Variants in GLG1 observed in about 807,000 individuals in gnomAD.
GLG1 encodes golgi glycoprotein 1, also known as Golgi apparatus protein 1.
In GLG1, 38 loss-of-function variants were observed where a neutral mutation model predicts 160.5. That is an observed-to-expected ratio of 0.24 (90% CI 0.18 to 0.31). The LOEUF (loss-of-function observed/expected upper bound fraction) is 0.31. Among genes scored for constraint, GLG1 ranks in the 10% least tolerant of loss-of-function variants. GLG1 has a pLI of 1.00. For synonymous variants in GLG1, 644 were observed against 543.4 expected (o/e 1.19, Z -2.57); for missense variants, 1,373 against 1,505.2 (o/e 0.91, Z 1.45).
intron 1 of GLG1, among the ~76,000 whole-genome samples, chr16:74,556,779 T>A (rs2018366003): frequency 6.7e-6 from 1 of 148,932 alleles, no homozygotes; most frequent in African/African-American, 2.4e-5. Context: ...CTAATAAAAA[T>A]ATATAAAATA....
chr16:74,589,539 T>G (rs1298423956), intron 1 of GLG1, among the ~76,000 whole-genome samples: 1 of 152,146 alleles, frequency 6.6e-6, no homozygotes, highest in Non-Finnish European at 1.5e-5. Context: ...TCTGAAGCTG[T>G]AACTCTGTAC....
At chr16:74,477,736 G>A (rs571263377) in intron 11 of GLG1, among the ~76,000 whole-genome samples, 1 of 152,178 alleles carries the variant, frequency 6.6e-6, no homozygotes, top group East Asian at 1.9e-4. Context: ...CACTTTGGGA[G>A]GTCGAGGCGG....
At chr16:74,479,238 CAA>C (rs11343790) in intron 11 of GLG1, among the ~76,000 whole-genome samples, 10,493 of 85,860 alleles carry the variant, frequency 0.12, 589 homozygotes, top group South Asian at 0.38. Flanking sequence ...GGCTTTGTCT[CAA>C]AAAAAAAAAA....
intron 1 of GLG1, among the ~76,000 whole-genome samples, chr16:74,567,848 G>A (rs376405116): frequency 3.9e-5 from 6 of 151,962 alleles, no homozygotes; most frequent in East Asian, 1.9e-4. Flanking sequence ...GATTACAGGC[G>A]TGAGCCACCG....
intron 1 of GLG1, among the ~76,000 whole-genome samples, chr16:74,552,059 G>T (rs904319752): frequency 1.3e-4 from 20 of 151,908 alleles, no homozygotes; most frequent in Non-Finnish European, 2.8e-4. Flanking sequence ...TAGTTTGGGG[G>T]ATGTGGAAAA....
At chr16:74,562,015 G>T (rs911534941) in intron 1 of GLG1, among the ~76,000 whole-genome samples, 1 of 152,208 alleles carries the variant, frequency 6.6e-6, no homozygotes, top group East Asian at 1.9e-4. Flanking sequence ...ACTTATAGAG[G>T]AATTTCATTC....
At chr16:74,518,332 G>A (rs985443402) in intron 2 of GLG1, among the ~76,000 whole-genome samples, 2 of 152,128 alleles carry the variant, frequency 1.3e-5, no homozygotes, top group African/African-American at 4.8e-5. Flanking sequence ...AAACAGCGTG[G>A]TACTGGTACC....
chr16:74,520,773 G>C (rs951881728), intron 2 of GLG1, among the ~76,000 whole-genome samples: 1 of 152,128 alleles, frequency 6.6e-6, no homozygotes, highest in African/African-American at 2.4e-5. Context: ...CTAGCTTCTA[G>C]GAATGCTAAT....
At chr16:74,587,494 A>C (rs1958080049) in intron 1 of GLG1, among the ~76,000 whole-genome samples, 2 of 152,236 alleles carry the variant, frequency 1.3e-5, no homozygotes, top group African/African-American at 4.8e-5. Context: ...TAAAGCAGGA[A>C]TATGACTAAT....
intron 2 of GLG1, among the ~76,000 whole-genome samples, chr16:74,517,280 C>T (rs2017007801): frequency 6.6e-6 from 1 of 152,208 alleles, no homozygotes; most frequent in Non-Finnish European, 1.5e-5. Context: ...CCCTGATCAA[C>T]ATCTAGCTGA....
At chr16:74,604,190 A>C (rs569023230) in intron 1 of GLG1, among the ~76,000 whole-genome samples, 4 of 152,314 alleles carry the variant, frequency 2.6e-5, no homozygotes, top group African/African-American at 9.6e-5. Context: ...CCCTGTCTCC[A>C]TAATAAAAAA....
At chr16:74,596,859 A>G (rs924327809) in intron 1 of GLG1, among the ~76,000 whole-genome samples, 3 of 152,058 alleles carry the variant, frequency 2.0e-5, no homozygotes, top group Non-Finnish European at 4.4e-5. Context: ...GCACATGCCT[A>G]TAATTCCAGC....
intron 23 of GLG1, 118 bp downstream of exon 23, chr16:74,459,564 G>T: frequency 3.0e-6 from 2 of 663,970 alleles, no homozygotes. Flanking sequence ...AAAGAGTGCT[G>T]GGCAGAAGGT....
intron 22 of GLG1, among the ~76,000 whole-genome samples, chr16:74,460,807 G>A (rs77996194): frequency 1.7e-3 from 266 of 152,350 alleles, no homozygotes; most frequent in Admixed American, 3.5e-3. Context: ...TTGTCAAAAA[G>A]AAGGCTGCTA....
intron 9 of GLG1, 79 bp downstream of exon 9, chr16:74,485,717 A>T: frequency 1.5e-6 from 2 of 1,377,582 alleles, no homozygotes. Context: ...ACAACCACCC[A>T]AAAGTCATTT....
At chr16:74,567,231 C>G (rs1028940409) in intron 1 of GLG1, among the ~76,000 whole-genome samples, 3 of 136,632 alleles carry the variant, frequency 2.2e-5, no homozygotes, top group East Asian at 2.7e-4. Context: ...GAGAGAGAGA[C>G]AGACAGAGAG....
intron 1 of GLG1, among the ~76,000 whole-genome samples, chr16:74,585,301 C>A (rs974737620): frequency 6.6e-6 from 1 of 151,928 alleles, no homozygotes; most frequent in East Asian, 1.9e-4. Context: ...CCCAGCTACT[C>A]GGGAGACTGA....
In GLG1 at chr16:74,463,381, G is replaced by C; in HGVS notation, c.2766C>G (p.Thr922=). The C allele has an allele frequency of 1.2e-6, 2 of 1,614,000 alleles. No homozygotes were observed. The highest frequency in any genetic ancestry group is 1.7e-6 in the Non-Finnish European group (2 of 1,179,922). Residue 922 remains threonine (T), a synonymous_variant, in exon 20 of 26, where the codon ACC becomes ACG. Coordinates refer to ENST00000422840, the MANE Select transcript of GLG1 (RefSeq NM_001145667.2). ...LMDPKCKQMI[T]KRQITQNTDY... Reference sequence around the variant, plus strand: ...CTGTGTTCTGGGTGATCTGGCGCTTGGTTATCATCTGTTTGCATTTGGGAT... The same window carrying C: ...CTGTGTTCTGGGTGATCTGGCGCTTCGTTATCATCTGTTTGCATTTGGGAT...
intron 1 of GLG1, among the ~76,000 whole-genome samples, chr16:74,581,842 G>T (rs1957945125): frequency 6.6e-6 from 1 of 152,156 alleles, no homozygotes; most frequent in Non-Finnish European, 1.5e-5. Context: ...AACCTGGGAG[G>T]CAGAGGTCAC....
Sources: allele counts gnomAD v4.1 joint callset (sites outside exome capture counted in the v4.1 genomes callset), GRCh38; gene constraint gnomAD v4.1.1; transcripts MANE v1.5; gene names NCBI Gene and HGNC (gene_info 2026-07-23, HGNC 2026-07-21).